BANP: variants seen among roughly 807,000 people sequenced by gnomAD.
BANP encodes the protein BTG3 associated nuclear protein, also known as protein BANP.
A neutral mutation model predicts 68.1 loss-of-function variants in BANP; 11 were observed. The observed-to-expected ratio is 0.16, with a 90% CI of 0.10 to 0.27. BANP has a LOEUF of 0.27. BANP is among the 10% of genes least tolerant of loss of function. The pLI is 1.00. For missense variants in BANP, 504 were observed against 722.7 expected, an observed-to-expected ratio of 0.70 and a Z score of 3.47; for synonymous variants, 329 against 303.2, an observed-to-expected ratio of 1.09 and a Z score of -0.88.
In BANP at chr16:88,048,854, A is replaced by G. The variant is rs190076583; in HGVS notation, c.1311+10843A>G. Among the ~76,000 whole-genome samples, 370 of 152,212 alleles carry G rather than the reference A, an allele frequency of 2.4e-3. 1 individual carries two copies. Among genetic ancestry groups the G allele is most frequent in the African/African-American group, 8.1e-3 (336 of 41,528 alleles). ...ATTCTAACAGTGTTCTCGGTATCGA[A>G]TTGGCGCTCACCACAGATTCTGACC... On this transcript the variant is annotated intron_variant, in intron 11 of 13. Transcript: ENST00000682872.
At chr16:87,958,231 AT>A (rs769783787) in intron 1 of BANP, among the ~76,000 whole-genome samples, 20 of 152,094 alleles carry the variant, frequency 1.3e-4, no homozygotes, top group Non-Finnish European at 2.4e-4. Flanking sequence ...CATTGGTCTT[AT>A]TTTGAGTGCA....
At chr16:88,039,006 A>C (rs761361536) in intron 11 of BANP, among the ~76,000 whole-genome samples, 1 of 152,182 alleles carries the variant, frequency 6.6e-6, no homozygotes, top group Non-Finnish European at 1.5e-5. Context: ...CTCTGACCCG[A>C]CTGAGCCTGG....
intron 13 of BANP, among the ~76,000 whole-genome samples, chr16:88,072,718 G>A (rs1223166336): frequency 6.6e-6 from 1 of 152,260 alleles, no homozygotes; most frequent in Non-Finnish European, 1.5e-5. Context: ...AAGCCCCCGA[G>A]GGTGAGGCCG....
chr16:88,062,678 C>T (rs770142675), intron 11 of BANP, among the ~76,000 whole-genome samples: 77 of 152,214 alleles, frequency 5.1e-4, no homozygotes, highest in Non-Finnish European at 9.0e-4. Flanking sequence ...GGACACCGTC[C>T]GTTCCAATGA....
At chr16:87,954,022 CG>C (rs2057533384) in intron 1 of BANP, among the ~76,000 whole-genome samples, 1 of 152,058 alleles carries the variant, frequency 6.6e-6, no homozygotes, top group African/African-American at 2.4e-5. Context: ...ATTCCTACGC[CG>C]GGGACTCTGA....
chr16:87,978,072 G>C (rs954377941), intron 2 of BANP, among the ~76,000 whole-genome samples: 2 of 152,198 alleles, frequency 1.3e-5, no homozygotes, highest in African/African-American at 4.8e-5. Flanking sequence ...CTGACCTCAG[G>C]TGATCCACTC....
At chr16:88,020,540 T>TGA (rs1264873065) in intron 7 of BANP, among the ~76,000 whole-genome samples, 1 of 152,246 alleles carries the variant, frequency 6.6e-6, no homozygotes, top group Non-Finnish European at 1.5e-5. Flanking sequence ...GTCTGCAACC[T>TGA]GAGAGGTGGC....
At chr16:87,985,158 C>T (rs1471680138) in intron 4 of BANP, among the ~76,000 whole-genome samples, 3 of 152,162 alleles carry the variant, frequency 2.0e-5, no homozygotes, top group African/African-American at 4.8e-5. Flanking sequence ...TTGTGGGCCT[C>T]GCCAGGGGGT....
intron 6 of BANP, among the ~76,000 whole-genome samples, chr16:88,011,102 C>CT (rs2072981749): frequency 6.6e-6 from 1 of 152,204 alleles, no homozygotes; most frequent in South Asian, 2.1e-4. Context: ...AGTCATGGCT[C>CT]TGAGTGCCAC....
rs111476335 is a variant in BANP, at chr16:88,061,728, C to A, written c.1312-3539C>A. On this transcript the variant is annotated intron_variant, in intron 11 of 13. Transcript: ENST00000682872. ...TTGCCCAGGCTGGAGTGCAATGGCA[C>A]GATCTCGGCTCACCGCAACCTCTGC... 6.4e-3 allele frequency among the ~76,000 whole-genome samples: 966 copies of A among 151,622 alleles called. 7 individuals are homozygous for A. Among genetic ancestry groups the A allele is most frequent in the Non-Finnish European group, 0.011 (760 of 67,882 alleles).
chr16:88,054,618 G>C (rs1386911138), intron 11 of BANP, among the ~76,000 whole-genome samples: 1 of 151,348 alleles, frequency 6.6e-6, no homozygotes, highest in East Asian at 1.9e-4. Context: ...CACCGTCAAG[G>C]GGTCAAGTGA....
intron 10 of BANP, 50 bp from the exon 11 acceptor site, chr16:88,037,923 G>A (rs1232378441): frequency 1.3e-6 from 2 of 1,574,868 alleles, no homozygotes; most frequent in Admixed American, 3.3e-5. Flanking sequence ...GTCTGAGGGT[G>A]TCTTGGTGTG....
At chr16:88,075,732 AT>A (rs1440107389) in intron 13 of BANP, among the ~76,000 whole-genome samples, 2 of 139,780 alleles carry the variant, frequency 1.4e-5, no homozygotes, top group South Asian at 4.5e-4. Context: ...CCAAGACTGT[AT>A]GTTTTTCCTT....
chr16:87,963,443 CTTTT>C (rs2059531046), intron 1 of BANP: 1 of 152,226 alleles, frequency 6.6e-6, no homozygotes, highest in Admixed American at 6.5e-5. Context: ...TGGAATGCAT[CTTTT>C]TAGACTGGCC....
At position 88,018,780 on chromosome 16, in the gene BANP, C is replaced by G; in HGVS notation, c.895+113C>G. On this transcript the variant is annotated intron_variant, in intron 7 of 13. Coordinates refer to ENST00000682872, the MANE Select transcript of BANP (RefSeq NM_001386991.1). The surrounding 1 kb of genome is among the most constrained non-coding windows in gnomAD (Gnocchi z 7.7). ...AGCACCGGCACGGGGCTGCGTTTCTCCAGGCGGTTTGAAATCTCAGCCCGA... is the reference window on the plus strand; with the variant it reads ...AGCACCGGCACGGGGCTGCGTTTCTGCAGGCGGTTTGAAATCTCAGCCCGA... The G allele has an allele frequency of 1.5e-6, 2 of 1,355,888 alleles. No homozygotes were observed. The highest frequency in any genetic ancestry group is 2.0e-6 in the Non-Finnish European group (2 of 1,010,918). The allele number at this position is 1,355,888 out of a possible 1,614,324, so 84.0% of individuals were successfully genotyped here.
intron 11 of BANP, among the ~76,000 whole-genome samples, chr16:88,055,490 C>T (rs556449226): frequency 3.3e-5 from 5 of 152,308 alleles, no homozygotes; most frequent in Admixed American, 2.6e-4. Context: ...TGTATTCCTC[C>T]TGATACTTCG....
At chr16:87,961,583 A>G (rs2059165868) in intron 1 of BANP, among the ~76,000 whole-genome samples, 1 of 152,212 alleles carries the variant, frequency 6.6e-6, no homozygotes, top group South Asian at 2.1e-4. Flanking sequence ...AATTTGTAAA[A>G]ATGTAAAACA....
intron 11 of BANP, among the ~76,000 whole-genome samples, chr16:88,056,813 A>G (rs148178594): frequency 1.2e-3 from 184 of 152,364 alleles, no homozygotes; most frequent in African/African-American, 4.2e-3. Context: ...TATACTTAGC[A>G]ACACTGAGTG....
chr16:87,966,725 A>G (rs1032386519), intron 1 of BANP: 2 of 152,176 alleles, frequency 1.3e-5, no homozygotes, highest in African/African-American at 4.8e-5. Flanking sequence ...CCCTTAAGAG[A>G]GGCAGGAGTT....
Sources: gnomAD v4.1 joint callset for allele counts (sites outside exome capture counted in the v4.1 genomes callset) on GRCh38, gnomAD v4.1.1 for gene constraint, Gnocchi (gnomAD v3.1) non-coding constraint, MANE v1.5 for transcripts, NCBI Gene and HGNC (gene_info 2026-07-23, HGNC 2026-07-21) for gene names.